CASD1: variants seen among roughly 807,000 people sequenced by gnomAD.
CASD1 encodes the protein N-acetylneuraminate (7)9-O-acetyltransferase.
CASD1 carries 41 observed loss-of-function variants against 100.0 expected under a neutral mutation model. The ratio of observed to expected loss-of-function variants is 0.41; its 90% CI spans 0.32 to 0.53. CASD1 has a LOEUF of 0.53. Ranked by LOEUF, CASD1 falls within the 20% of genes least tolerant of loss-of-function variation. The pLI, the probability that CASD1 is intolerant of heterozygous loss-of-function variation, is 0.25. For missense variants in CASD1, 774 were observed against 948.7 expected (o/e 0.82, Z 2.42); for synonymous variants, 321 against 315.6 (o/e 1.02, Z -0.18).
the CASD1 span, chr7:94,599,979 T>C: frequency 8.3e-6 from 3 of 363,176 alleles, no homozygotes; most frequent in African/African-American, 6.3e-5. Flanking sequence ...AAATAAATTC[T>C]ATGACATAAT....
chr7:94,626,478 A>T, the CASD1 span: 1 of 152,038 alleles, frequency 6.6e-6, no homozygotes, highest in Admixed American at 6.6e-5. Flanking sequence ...TAGTACCTCA[A>T]CATTTTTGTT....
chr7:94,585,388 A>G, the CASD1 span: 1 of 930,926 alleles, frequency 1.1e-6, no homozygotes, highest in Non-Finnish European at 1.8e-6. Flanking sequence ...TACTGCCAAC[A>G]TGCATAACAT....
chr7:94,618,711 G>A, the CASD1 span: 15 of 1,478,254 alleles, frequency 1.0e-5, no homozygotes, highest in Middle Eastern at 1.7e-4. Flanking sequence ...TAAGATCACC[G>A]TATTTAAAAA....
chr7:94,565,224 C>G, the CASD1 span, among the ~76,000 whole-genome samples: 118 of 152,094 alleles, frequency 7.8e-4, no homozygotes, highest in Non-Finnish European at 1.1e-3. Flanking sequence ...CCTATCAACC[C>G]ATTGTGAATA....
chr7:94,556,324 G>T lies in CASD1; in HGVS notation c.*566G>T, dbSNP rs1796203434. The stretch of plus-strand genomic sequence containing the variant: ...TTGTTCTGATGTTGTTTCCTGAAAT[G>T]ATTTTTCTTCCTAACTGTGGTTTTC... On this transcript the variant is annotated 3_prime_UTR_variant, in exon 18 of 18. Transcript: ENST00000297273. The T allele has an allele frequency of 6.6e-6, 1 of 152,098 alleles. No individual in the cohort carries two copies. Among genetic ancestry groups the T allele is most frequent in the South Asian group, 2.1e-4 (1 of 4,824 alleles). 9.4% of individuals were successfully genotyped at this position (152,098 alleles called of 1,614,324 possible).
intron 10 of CASD1, among the ~76,000 whole-genome samples, chr7:94,543,413 G>A (rs1795516807): frequency 6.6e-6 from 1 of 152,166 alleles, no homozygotes; most frequent in Non-Finnish European, 1.5e-5. Context: ...CAGCACTTTG[G>A]GAGGCCGAGG....
chr7:94,577,803 C>G, the CASD1 span, among the ~76,000 whole-genome samples: 2 of 152,132 alleles, frequency 1.3e-5, no homozygotes, highest in Admixed American at 6.6e-5. Flanking sequence ...TGTTTTTATA[C>G]TGGGAGAGCT....
chr7:94,544,233 C>T (rs991579866), intron 10 of CASD1, among the ~76,000 whole-genome samples, 178 bp from the exon 11 acceptor site: 2 of 152,146 alleles, frequency 1.3e-5, no homozygotes, highest in Non-Finnish European at 2.9e-5. Context: ...CTCTCCAATT[C>T]CAGTTCTACA....
chr7:94,564,291 GAT>G, the CASD1 span, among the ~76,000 whole-genome samples: 1 of 152,186 alleles, frequency 6.6e-6, no homozygotes, highest in African/African-American at 2.4e-5. Context: ...GTAGTGTACT[GAT>G]ATTCCTCAAG....
the CASD1 span, chr7:94,617,451 C>G: frequency 6.6e-6 from 1 of 152,292 alleles, no homozygotes; most frequent in South Asian, 2.1e-4. Context: ...GAACACATTA[C>G]CTTAAGAAAA....
At chr7:94,527,061 A>C in intron 3 of CASD1, 101 bp from the exon 4 acceptor site, 4 of 899,190 alleles carry the variant, frequency 4.4e-6, no homozygotes, top group Non-Finnish European at 7.0e-6. Flanking sequence ...AAAATATATC[A>C]ACAAAAATAT....
the CASD1 span, chr7:94,588,467 T>C: frequency 7.4e-7 from 1 of 1,358,798 alleles, no homozygotes; most frequent in Non-Finnish European, 9.5e-7. Flanking sequence ...CCTCCATGGA[T>C]GCTTTTGCTC....
the CASD1 span, among the ~76,000 whole-genome samples, chr7:94,567,455 C>T: frequency 6.6e-6 from 1 of 152,112 alleles, no homozygotes; most frequent in African/African-American, 2.4e-5. Flanking sequence ...TGAAAATTGC[C>T]ATGAGCCCCT....
chr7:94,558,779 T>G (rs143297872), downstream of CASD1, among the ~76,000 whole-genome samples: 216 of 152,156 alleles, frequency 1.4e-3, no homozygotes, highest in African/African-American at 5.1e-3. Flanking sequence ...ATTTCCAGAA[T>G]AGATTTCTTA....
chr7:94,628,303 G>T, the CASD1 span: 1 of 1,611,366 alleles, frequency 6.2e-7, no homozygotes, highest in East Asian at 2.2e-5. Flanking sequence ...CATCCAGGTC[G>T]GTCTGGGTAA....
At chr7:94,546,959 A>G (rs1795710408) in intron 12 of CASD1, 137 bp from the exon 13 acceptor site, 1 of 503,502 alleles carries the variant, frequency 2.0e-6, no homozygotes, top group Non-Finnish European at 3.3e-6. Context: ...CTAACTGGAT[A>G]TATTTTGTGT....
intron 3 of CASD1, among the ~76,000 whole-genome samples, chr7:94,522,434 C>CA (rs1481954388): frequency 6.6e-6 from 1 of 152,054 alleles, no homozygotes; most frequent in Non-Finnish European, 1.5e-5. Context: ...ATTTATAAAG[C>CA]AAAAATATAA....
At chr7:94,601,465 A>C in the CASD1 span, among the ~76,000 whole-genome samples, 22 of 148,426 alleles carry the variant, frequency 1.5e-4, no homozygotes, top group Admixed American at 1.3e-3. Flanking sequence ...AAAAAAAAAA[A>C]AAAAAAAAAA....
chr7:94,608,120 G>T, the CASD1 span, among the ~76,000 whole-genome samples: 1 of 152,140 alleles, frequency 6.6e-6, no homozygotes, highest in African/African-American at 2.4e-5. Context: ...GAGGCAGGTG[G>T]GTCACCTGAG....
Sources: gnomAD v4.1 joint callset for allele counts (sites outside exome capture counted in the v4.1 genomes callset) on GRCh38, gnomAD v4.1.1 for gene constraint, MANE v1.5 for transcripts, NCBI Gene and HGNC (gene_info 2026-07-23, HGNC 2026-07-21) for gene names.